The following DGKH variants were observed in gnomAD, a reference collection of about 807,000 sequenced individuals.
The protein encoded by DGKH is diacylglycerol kinase eta.
Under a neutral mutation model 159.3 loss-of-function variants are expected in DGKH, and 90 were observed. The ratio of observed to expected loss-of-function variants is 0.57; its 90% CI spans 0.48 to 0.67. The LOEUF (loss-of-function observed/expected upper bound fraction) is 0.67. Among genes scored for constraint, DGKH ranks in the 30% least tolerant of loss-of-function variants. The probability of loss-of-function intolerance (pLI) is 0.00; values close to 1 mark genes in which losing one functional copy is unlikely to be tolerated. For synonymous variants in DGKH, 536 were observed against 553.8 expected (o/e 0.97, Z 0.45); for missense variants, 1,181 against 1,506.1 (o/e 0.78, Z 3.57).
At chr13:42,124,056 AT>A (rs1157210877) in intron 1 of DGKH, among the ~76,000 whole-genome samples, 2 of 151,966 alleles carry the variant, frequency 1.3e-5, no homozygotes, top group African/African-American at 2.4e-5. Flanking sequence ...AAAGTTGTAA[AT>A]TTTTTTTCCT....
At chr13:42,098,534 G>A (rs1954591840) in intron 1 of DGKH, among the ~76,000 whole-genome samples, 1 of 151,872 alleles carries the variant, frequency 6.6e-6, no homozygotes, top group African/African-American at 2.4e-5. Flanking sequence ...ATGTGTAGTG[G>A]CATTTGTGTC....
chr13:42,194,547 G>A (rs1040371058), intron 16 of DGKH, among the ~76,000 whole-genome samples: 2 of 152,208 alleles, frequency 1.3e-5, no homozygotes, highest in African/African-American at 4.8e-5. Context: ...TACATGGGTA[G>A]TGTGCATTAT....
At chr13:42,162,282 AT>A (rs1300670990) in intron 7 of DGKH, among the ~76,000 whole-genome samples, 2 of 152,174 alleles carry the variant, frequency 1.3e-5, no homozygotes, top group African/African-American at 4.8e-5. Flanking sequence ...AGGCCAAGGC[AT>A]GTGAATCACC....
downstream of DGKH, among the ~76,000 whole-genome samples, chr13:42,246,191 C>G (rs1170233045): frequency 6.6e-6 from 1 of 152,202 alleles, no homozygotes; most frequent in South Asian, 2.1e-4. Context: ...TGTGCCACCA[C>G]CAGTACGTTC....
Position 42,054,624 on chromosome 13 carries a change from A to G in DGKH, c.192+5659A>G, listed in dbSNP as rs551538989. On this transcript the variant is annotated intron_variant, in intron 1 of 29. Transcript: ENST00000337343. ...GGGAGAACTGGATAACTCCAGAATA[A>G]TTCTGAGAATAAGTTCTTATTCTGG... 4.5e-4 allele frequency among the ~76,000 whole-genome samples: 68 copies of G among 152,344 alleles called. 1 individual carries two copies. Among genetic ancestry groups the G allele is most frequent in the Admixed American group, 3.9e-3 (60 of 15,300 alleles).
rs953377740 is a variant in DGKH at position 42,229,886 on chromosome 13, G to C, written c.*698G>C. On this transcript the variant is annotated 3_prime_UTR_variant, in exon 30 of 30. Coordinates refer to ENST00000337343, the MANE Select transcript of DGKH (RefSeq NM_178009.5). ...CTAAAGTACATTTTTGTTGGTTAAG[G>C]GCACTGCACTTTTCTGTTTTTTAAT... 4 of 152,166 alleles carry C rather than the reference G, an allele frequency of 2.6e-5. No homozygotes were observed. The highest frequency in any genetic ancestry group is 5.9e-5 in the Non-Finnish European group (4 of 68,002). The allele number at this position is 152,166 out of a possible 1,614,324, so 9.4% of individuals were successfully genotyped here.
chr13:42,228,329 C>A (rs978857130), intron 29 of DGKH, among the ~76,000 whole-genome samples: 3 of 152,138 alleles, frequency 2.0e-5, no homozygotes, highest in African/African-American at 7.2e-5. Context: ...CATCAACCAA[C>A]AGATAATTAT....
chr13:42,178,313 C>A, intron 13 of DGKH, 93 bp downstream of exon 13: 3 of 941,124 alleles, frequency 3.2e-6, no homozygotes, highest in South Asian at 5.0e-5. Context: ...GTTTTCTTCT[C>A]AAAAAATATC....
intron 20 of DGKH, among the ~76,000 whole-genome samples, chr13:42,205,601 A>G (rs1469962092): frequency 6.6e-6 from 1 of 152,164 alleles, no homozygotes; most frequent in Non-Finnish European, 1.5e-5. Context: ...ACCAGTCCCC[A>G]GGTGGTTGTA....
intron 1 of DGKH, among the ~76,000 whole-genome samples, chr13:42,041,553 G>A (rs1566070347): frequency 6.6e-6 from 1 of 152,222 alleles, no homozygotes; most frequent in South Asian, 2.1e-4. Context: ...TAGTGTGTGT[G>A]CGTGTCTTAA....
chr13:42,106,014 T>G (rs1954747361), intron 1 of DGKH, among the ~76,000 whole-genome samples: 1 of 152,036 alleles, frequency 6.6e-6, no homozygotes, highest in Non-Finnish European at 1.5e-5. Flanking sequence ...TTTTTTTAAT[T>G]TTTTTTATTT....
intron 3 of DGKH, among the ~76,000 whole-genome samples, chr13:42,143,851 C>T (rs1045276512): frequency 6.6e-6 from 1 of 152,026 alleles, no homozygotes; most frequent in Non-Finnish European, 1.5e-5. Flanking sequence ...AAAAAACCAG[C>T]TTCTGGATTC....
chr13:42,115,841 G>C (rs1445503735), intron 1 of DGKH, among the ~76,000 whole-genome samples: 1 of 152,166 alleles, frequency 6.6e-6, no homozygotes, highest in Non-Finnish European at 1.5e-5. Context: ...ACAGTGGAAG[G>C]AATGGACTAG....
intron 1 of DGKH, among the ~76,000 whole-genome samples, chr13:42,118,890 G>A (rs990231072): frequency 2.3e-4 from 35 of 152,306 alleles, no homozygotes; most frequent in Admixed American, 7.8e-4. Flanking sequence ...AACCATGGGA[G>A]AATGAAGTAG....
At chr13:42,070,786 C>G (rs897923443) in intron 1 of DGKH, 6 of 1,527,400 alleles carry the variant, frequency 3.9e-6, no homozygotes, top group African/African-American at 1.4e-5. Context: ...AATGTAAACA[C>G]TGTTTAGTTC....
At chr13:42,148,919 C>T (rs1223352131) in intron 3 of DGKH, among the ~76,000 whole-genome samples, 1 of 150,710 alleles carries the variant, frequency 6.6e-6, no homozygotes, top group African/African-American at 2.4e-5. Context: ...CTTGGCCTTC[C>T]CACCCACAAC....
Position 42,214,628 on chromosome 13 carries a change from T to C in DGKH, c.3120+16T>C, listed in dbSNP as rs1207258153. On this transcript the variant is annotated intron_variant, in intron 25 of 29. Coordinates refer to ENST00000337343, the MANE Select transcript of DGKH (RefSeq NM_178009.5). ...GTGCCCGGAGGTGAGGATCTAATGG[T>C]AAATTCTCATTCCACAGATTCTTTT... is the stretch of plus-strand genomic sequence containing the variant. 1 of 1,607,832 alleles carries C rather than the reference T, an allele frequency of 6.2e-7. No homozygotes were observed. The highest frequency in any genetic ancestry group is 8.5e-7 in the Non-Finnish European group (1 of 1,177,504).
intron 3 of DGKH, among the ~76,000 whole-genome samples, chr13:42,142,800 AGAC>A: frequency 6.6e-6 from 1 of 152,294 alleles, no homozygotes; most frequent in East Asian, 1.9e-4. Context: ...TTTTGGGCTG[AGAC>A]GATGGGGTTT....
At chr13:42,127,410 T>G in intron 1 of DGKH, 53 bp from the exon 2 acceptor site, 1 of 1,312,844 alleles carries the variant, frequency 7.6e-7, no homozygotes, top group Non-Finnish European at 1.1e-6. Context: ...CTGAATTTCA[T>G]TTGGTTTTGA....
Sources: gnomAD v4.1 joint callset for allele counts (sites outside exome capture counted in the v4.1 genomes callset) on GRCh38, gnomAD v4.1.1 for gene constraint, MANE v1.5 for transcripts, NCBI Gene and HGNC (gene_info 2026-07-23, HGNC 2026-07-21) for gene names.